CCDC192: variants seen among roughly 807,000 people sequenced by gnomAD.
CCDC192 encodes the protein coiled-coil domain-containing protein 192.
chr5:127,847,848 A>AATAAATAC (rs1455166789), intron 5 of CCDC192, among the ~76,000 whole-genome samples: 13 of 151,422 alleles, frequency 8.6e-5, no homozygotes, highest in Admixed American at 1.3e-4. Flanking sequence ...TAAATAAATA[A>AATAAATAC]ATAAATACAT....
At chr5:127,870,555 A>G (rs1751808966) in intron 5 of CCDC192, among the ~76,000 whole-genome samples, 1 of 152,220 alleles carries the variant, frequency 6.6e-6, no homozygotes, top group Non-Finnish European at 1.5e-5. Flanking sequence ...GTCCAGCTGA[A>G]CTCTGGCAGC....
chr5:127,802,854 A>G (rs1265222741), intron 5 of CCDC192, among the ~76,000 whole-genome samples: 1 of 152,204 alleles, frequency 6.6e-6, no homozygotes, highest in African/African-American at 2.4e-5. Context: ...AGCACCCTTT[A>G]TATATCAGGG....
At position 127,932,388 on chromosome 5, in the gene CCDC192, G is replaced by A. The variant is rs868371480; in HGVS notation, c.536-8794G>A. Reference sequence around the variant, plus strand: ...CCCGGCTAATTTTGTATTTTTAGTAGAGACAGGGTTTCTCCATGTTGGTCA... The same window carrying A: ...CCCGGCTAATTTTGTATTTTTAGTAAAGACAGGGTTTCTCCATGTTGGTCA... On this transcript the variant is annotated intron_variant, in intron 6 of 6. Coordinates refer to ENST00000514853, the MANE Select transcript of CCDC192 (RefSeq NM_001317938.2). Among the ~76,000 whole-genome samples the A allele has an allele frequency of 3.9e-4, 59 of 151,786 alleles. 1 individual carries two copies. The highest frequency in any genetic ancestry group is 1.2e-3 in the African/African-American group (49 of 41,352).
intron 6 of CCDC192, among the ~76,000 whole-genome samples, chr5:127,931,498 TCCAG>T (rs1177199747): frequency 1.3e-5 from 2 of 152,200 alleles, no homozygotes; most frequent in Admixed American, 6.5e-5. Context: ...CTCTCCCTCC[TCCAG>T]CTGTGCATAT....
chr5:127,743,576 A>G (rs905621439), intron 2 of CCDC192, among the ~76,000 whole-genome samples: 1 of 152,158 alleles, frequency 6.6e-6, no homozygotes, highest in African/African-American at 2.4e-5. Context: ...GTGCTCATCC[A>G]GGCCACCATC....
At chr5:127,930,217 CTAAACTAAACTAAAG>C (rs1365888297) in intron 6 of CCDC192, among the ~76,000 whole-genome samples, 8 of 64,874 alleles carry the variant, frequency 1.2e-4, no homozygotes, top group Non-Finnish European at 1.6e-4. Context: ...TTAAACTAAA[CTAAACTAAACTAAAG>C]TAAACTAAAC....
intron 2 of CCDC192, among the ~76,000 whole-genome samples, chr5:127,748,879 G>T (rs2126858849): frequency 6.6e-6 from 1 of 150,926 alleles, no homozygotes. Context: ...AATTGTGAAT[G>T]GGAGTTCACT....
chr5:127,795,014 C>T (rs558521075), intron 3 of CCDC192, among the ~76,000 whole-genome samples: 101 of 152,102 alleles, frequency 6.6e-4, no homozygotes, highest in African/African-American at 2.3e-3. Context: ...ATAAATAGGC[C>T]GGACACAGTG....
chr5:127,921,150 A>AGGACAGGAGAAAGGAGAGGAAC (rs1753707611), intron 6 of CCDC192, among the ~76,000 whole-genome samples: 1 of 149,916 alleles, frequency 6.7e-6, no homozygotes, highest in Non-Finnish European at 1.5e-5. Flanking sequence ...AGGAGAGGAA[A>AGGACAGGAGAAAGGAGAGGAAC]GGAAAGGAGA....
At position 127,815,487 on chromosome 5, in the gene CCDC192, C is replaced by A. The variant is rs138419063; in HGVS notation, c.411+17325C>A. Among the ~76,000 whole-genome samples the A allele has an allele frequency of 8.5e-5, 13 of 152,154 alleles. No individual in the cohort carries two copies. In the East Asian group the frequency reaches 2.5e-3, roughly 29 times the overall value. On this transcript the variant is annotated intron_variant, in intron 5 of 6. Transcript: ENST00000514853. ...ATGATTTCTATAAATTCACAGAGTTCCTGCATGGAATCTACCTTCAGCTTC... is the reference window on the plus strand; with the variant it reads ...ATGATTTCTATAAATTCACAGAGTTACTGCATGGAATCTACCTTCAGCTTC...
At chr5:127,881,251 T>C (rs897937492) in intron 6 of CCDC192, among the ~76,000 whole-genome samples, 2 of 152,202 alleles carry the variant, frequency 1.3e-5, no homozygotes, top group African/African-American at 4.8e-5. Context: ...GCTTGCTTTG[T>C]TGTAACAATT....
intron 5 of CCDC192, among the ~76,000 whole-genome samples, chr5:127,800,943 G>T (rs1000764066): frequency 8.6e-5 from 13 of 151,936 alleles, no homozygotes; most frequent in African/African-American, 2.9e-4. Flanking sequence ...GCCCCAAATT[G>T]TTAACATATG....
At chr5:127,778,009 G>T (rs910684541) in intron 3 of CCDC192, among the ~76,000 whole-genome samples, 1 of 149,560 alleles carries the variant, frequency 6.7e-6, no homozygotes. Context: ...TTATTAGCTT[G>T]TGTGTGTGTG....
rs574470537 is a variant in CCDC192, at chr5:127,885,173, C to T, written c.535+9512C>T. On this transcript the variant is annotated intron_variant, in intron 6 of 6. Transcript: ENST00000514853. ...CCAGAGAGGTTGGATGAAGGGCAAG[C>T]ACCAGCTAAATGTCAGACAAAGCAC... Among the ~76,000 whole-genome samples the T allele has an allele frequency of 1.1e-3, 165 of 151,868 alleles. 1 individual carries two copies. Among genetic ancestry groups the T allele is most frequent in the African/African-American group, 3.7e-3 (155 of 41,408 alleles).
chr5:127,745,025 GCC>G (rs1753657885), intron 2 of CCDC192, among the ~76,000 whole-genome samples: 2 of 152,178 alleles, frequency 1.3e-5, no homozygotes, highest in Non-Finnish European at 2.9e-5. Flanking sequence ...CACTGTTATA[GCC>G]TCTCAGCATG....
intron 3 of CCDC192, among the ~76,000 whole-genome samples, chr5:127,767,201 T>A (rs1755275609): frequency 1.3e-5 from 2 of 152,110 alleles, no homozygotes; most frequent in South Asian, 4.1e-4. Context: ...ATCCTAGGAA[T>A]GTGTCCCAGG....
At chr5:127,759,896 C>G (rs1487812935) in intron 3 of CCDC192, among the ~76,000 whole-genome samples, 1 of 152,084 alleles carries the variant, frequency 6.6e-6, no homozygotes, top group African/African-American at 2.4e-5. Flanking sequence ...CTTGTCTTTC[C>G]TTTCTGCTTC....
At chr5:127,895,427 C>T (rs1423941044) in intron 6 of CCDC192, among the ~76,000 whole-genome samples, 2 of 152,148 alleles carry the variant, frequency 1.3e-5, no homozygotes, top group Admixed American at 6.5e-5. Flanking sequence ...GCCAATTATG[C>T]CTTTTCCCAT....
At chr5:127,711,022 A>G (rs1418901612) in intron 2 of CCDC192, among the ~76,000 whole-genome samples, 1 of 152,230 alleles carries the variant, frequency 6.6e-6, no homozygotes, top group Non-Finnish European at 1.5e-5. Flanking sequence ...GCTAGTGCAT[A>G]TAAATTATCT....
Sources: gnomAD v4.1 joint callset for allele counts (sites outside exome capture counted in the v4.1 genomes callset) on GRCh38, gnomAD v4.1.1 for gene constraint, MANE v1.5 for transcripts, NCBI Gene and HGNC (gene_info 2026-07-23, HGNC 2026-07-21) for gene names.